Variants in ITSN2 observed in about 807,000 individuals in gnomAD.
ITSN2 encodes the protein intersectin-2.
ITSN2 carries 156 observed loss-of-function variants against 243.7 expected under a neutral mutation model. The ratio of observed to expected loss-of-function variants is 0.64; its 90% CI spans 0.56 to 0.73. ITSN2 has a LOEUF of 0.73. Ranked by LOEUF, ITSN2 falls within the 30% of genes least tolerant of loss-of-function variation. The pLI is 0.00. For missense variants in ITSN2, 1,801 were observed against 1,996.1 expected (o/e 0.90, Z 1.86); for synonymous variants, 703 against 699.9 (o/e 1.00, Z -0.07).
intron 1 of ITSN2, among the ~76,000 whole-genome samples, chr2:24,339,965 G>A: frequency 6.6e-6 from 1 of 152,082 alleles, no homozygotes; most frequent in South Asian, 2.1e-4. Context: ...GAGCCCGGGA[G>A]TTCAAGGTTA....
chr2:24,271,655 C>T, intron 19 of ITSN2, 111 bp downstream of exon 19: 1 of 1,339,410 alleles, frequency 7.5e-7, no homozygotes, highest in Non-Finnish European at 9.7e-7. Flanking sequence ...AAGGTTTTTT[C>T]TGACTCTACA....
intron 17 of ITSN2, among the ~76,000 whole-genome samples, chr2:24,279,157 T>A (rs557051162): frequency 6.6e-6 from 1 of 152,344 alleles, no homozygotes; most frequent in East Asian, 1.9e-4. Flanking sequence ...CTTTTCTGTA[T>A]GTTAAATCAT....
At chr2:24,344,438 A>G (rs757672174) in intron 1 of ITSN2, among the ~76,000 whole-genome samples, 2 of 152,170 alleles carry the variant, frequency 1.3e-5, no homozygotes, top group African/African-American at 2.4e-5. Flanking sequence ...TGGTATGAAC[A>G]ATTATTTTAT....
At chr2:24,320,762 T>C (rs1431687174) in intron 2 of ITSN2, among the ~76,000 whole-genome samples, 2 of 151,016 alleles carry the variant, frequency 1.3e-5, no homozygotes, top group African/African-American at 4.9e-5. Context: ...AAAAAAACAT[T>C]GTTTTTTAAG....
chr2:24,360,179 G>A (rs1010025750), intron 1 of ITSN2, 125 bp downstream of exon 1: 1 of 152,220 alleles, frequency 6.6e-6, no homozygotes, highest in Admixed American at 6.6e-5. Flanking sequence ...GTACTCCCGA[G>A]GACCCGTCCC....
intron 13 of ITSN2, 60 bp from the exon 14 acceptor site, chr2:24,295,864 AAGG>A: frequency 4.2e-6 from 5 of 1,189,480 alleles, no homozygotes; most frequent in Non-Finnish European, 5.8e-6. Context: ...ATGTTTCTAC[AAGG>A]AGAATAATAT....
intron 27 of ITSN2, among the ~76,000 whole-genome samples, chr2:24,247,563 C>T (rs957252888): frequency 6.6e-6 from 1 of 152,100 alleles, no homozygotes. Context: ...TCTTGGGGGC[C>T]TCGAACTCAG....
At chr2:24,245,541 G>A (rs1673252904) in intron 29 of ITSN2, among the ~76,000 whole-genome samples, 1 of 151,402 alleles carries the variant, frequency 6.6e-6, no homozygotes, top group South Asian at 2.1e-4. Flanking sequence ...TGCAGTGTGT[G>A]TGATCATGAC....
rs1273082248 is a variant in ITSN2, at chr2:24,261,604, G to A, written c.2494C>T (p.Leu832Phe). 6.2e-7 allele frequency: 1 copy of A among 1,613,484 alleles called. No individual in the cohort carries two copies. Among genetic ancestry groups the A allele is most frequent in the Non-Finnish European group, 8.5e-7 (1 of 1,179,672 alleles). The change falls in exon 21 of 40, where the codon CTT becomes TTT. Residue 832 changes from leucine to phenylalanine, a missense_variant. Leu to Phe is a conservative substitution (Grantham distance 22). Transcript: ENST00000355123. ...GCAGATAAAGAAACTGTAGGAGGAA[G>A]TAAGGCCTTCTTTGGAGATACAGCT... ...EKAVSPKKAL[L>F]PPTVSLSATS...
chr2:24,334,068 C>T (rs12468387), intron 1 of ITSN2, among the ~76,000 whole-genome samples: 147,477 of 151,146 alleles, frequency 0.98, 71,939 homozygotes, highest in East Asian at 0.99. Context: ...TTTTTTTTTT[C>T]TTTTTTTTGA....
Position 24,300,014 on chromosome 2 carries a change from T to C in ITSN2, c.1239A>G (p.Glu413=). ...ATTCAAGTTGTTTCTTCCATTCTTGTTCTTGTAATTCTCTCTGTTTTCGTT... is the reference window on the plus strand; with the variant it reads ...ATTCAAGTTGTTTCTTCCATTCTTGCTCTTGTAATTCTCTCTGTTTTCGTT... ...EWERKQRELQ[E]QEWKKQLELE... is the part of the protein sequence containing the mutation. Residue 413 remains glutamate, a synonymous_variant, in exon 12 of 40, where the codon GAA becomes GAG. Transcript: ENST00000355123. 6.8e-6 allele frequency: 11 copies of C among 1,614,220 alleles called. No individual in the cohort carries two copies. Among genetic ancestry groups the C allele is most frequent in the Non-Finnish European group, 9.3e-6 (11 of 1,180,040 alleles).
intron 1 of ITSN2, among the ~76,000 whole-genome samples, chr2:24,338,283 A>G (rs1422188968): frequency 6.6e-6 from 1 of 152,222 alleles, no homozygotes; most frequent in Non-Finnish European, 1.5e-5. Context: ...TGTCAACCAG[A>G]AAATTTTTAA....
rs781416551 is a variant in ITSN2 at position 24,246,327 on chromosome 2, CA to C, written c.3386-8del. ...ATAGCAATCACCTGACATACTATCA[CA>C]AGAATAACAAAATAACACATTAAAC... On this transcript the variant is annotated splice_polypyrimidine_tract_variant and splice_region_variant and intron_variant, in intron 28 of 39. Transcript: ENST00000355123. The C allele has an allele frequency of 1.7e-5, 27 of 1,564,068 alleles. No individual in the cohort carries two copies. In the East Asian group the frequency reaches 5.9e-4, roughly 34 times the overall value.
intron 37 of ITSN2, among the ~76,000 whole-genome samples, chr2:24,206,814 C>T (rs551886053): frequency 3.2e-4 from 49 of 152,222 alleles, no homozygotes; most frequent in African/African-American, 8.4e-4. Context: ...GGAGGATGAT[C>T]GCAGCCTCAG....
intron 23 of ITSN2, among the ~76,000 whole-genome samples, chr2:24,254,737 A>C (rs746986751): frequency 6.6e-6 from 1 of 152,214 alleles, no homozygotes; most frequent in Non-Finnish European, 1.5e-5. Flanking sequence ...CAAATTGTTA[A>C]GTGGTAAGCA....
chr2:24,354,989 A>G (rs1428823694), intron 1 of ITSN2, among the ~76,000 whole-genome samples: 1 of 152,234 alleles, frequency 6.6e-6, no homozygotes, highest in Non-Finnish European at 1.5e-5. Context: ...TGCAAATGAA[A>G]TATGCTGCCC....
Position 24,295,711 on chromosome 2 carries a change from A to C in ITSN2, c.1588T>G (p.Cys530Gly). The C allele has an allele frequency of 6.4e-7, 1 of 1,557,904 alleles. No homozygotes were observed. Among genetic ancestry groups the C allele is most frequent in the Non-Finnish European group, 8.6e-7 (1 of 1,160,772 alleles). ...TTGATTTCCATAATTTCCAAGTCAC[A>C]CTGCTTATCCAGAACTTCCAGCTCA... Reference protein sequence around the residue: ...KTELEVLDKQCDLEIMEIKQL... With the variant: ...KTELEVLDKQGDLEIMEIKQL... The change falls in exon 14 of 40, where the codon TGT becomes GGT. Residue 530 changes from cysteine (C) to glycine (G), a missense_variant. Physicochemically the swap from Cys to Gly is radical, Grantham distance 159. Transcript: ENST00000355123.
At chr2:24,340,149 C>T (rs536351425) in intron 1 of ITSN2, among the ~76,000 whole-genome samples, 1 of 152,238 alleles carries the variant, frequency 6.6e-6, no homozygotes, top group Non-Finnish European at 1.5e-5. Context: ...CATTGCTGTG[C>T]AAGTCATGGA....
At chr2:24,253,192 T>C (rs1366176624) in intron 24 of ITSN2, among the ~76,000 whole-genome samples, 4 of 152,260 alleles carry the variant, frequency 2.6e-5, no homozygotes, top group Non-Finnish European at 4.4e-5. Context: ...TTTTTCTTTC[T>C]TTCTAGTTTT....
Sources: allele counts gnomAD v4.1 joint callset (sites outside exome capture counted in the v4.1 genomes callset), GRCh38; gene constraint gnomAD v4.1.1; transcripts MANE v1.5; gene names NCBI Gene and HGNC (gene_info 2026-07-23, HGNC 2026-07-21).